The following SRGAP3 variants were observed in gnomAD, a reference collection of about 807,000 sequenced individuals.
The protein encoded by SRGAP3 is SLIT-ROBO Rho GTPase-activating protein 3.
A neutral mutation model predicts 121.1 loss-of-function variants in SRGAP3; 39 were observed. That is an observed-to-expected ratio of 0.32 (90% CI 0.25 to 0.42). The LOEUF (loss-of-function observed/expected upper bound fraction) is 0.42. Among genes scored for constraint, SRGAP3 ranks in the 10% least tolerant of loss-of-function variants. SRGAP3 has a pLI of 1.00. For synonymous variants in SRGAP3, 601 were observed against 570.0 expected (o/e 1.05, Z -0.77); for missense variants, 1,213 against 1,470.6 (o/e 0.82, Z 2.86).
chr3:9,244,829 G>T (rs1953766156), intron 1 of SRGAP3, among the ~76,000 whole-genome samples: 1 of 152,204 alleles, frequency 6.6e-6, no homozygotes, highest in South Asian at 2.1e-4. Context: ...CCAGCATGGG[G>T]TCACCAAGAA....
At chr3:9,143,962 C>A (rs1364408371) in intron 1 of SRGAP3, among the ~76,000 whole-genome samples, 1 of 152,214 alleles carries the variant, frequency 6.6e-6, no homozygotes, top group African/African-American at 2.4e-5. Flanking sequence ...TCCATCTCCA[C>A]TGCCATCATC....
intron 1 of SRGAP3, among the ~76,000 whole-genome samples, chr3:9,231,046 C>A (rs562839840): frequency 1.9e-3 from 288 of 152,200 alleles, no homozygotes; most frequent in Non-Finnish European, 3.5e-3. Flanking sequence ...CTTGGAGGTA[C>A]CACAGCCCCC....
upstream of SRGAP3, chr3:9,249,805 G>A (rs1953958722): frequency 5.0e-6 from 1 of 199,690 alleles, no homozygotes; most frequent in African/African-American, 2.3e-5. Context: ...AAGGCAGCAG[G>A]AAAAGTAATC....
At position 9,038,757 on chromosome 3, in the gene SRGAP3, T is replaced by C. The variant is rs1359237739; in HGVS notation, c.1409-667A>G. Among the ~76,000 whole-genome samples the C allele has an allele frequency of 6.6e-5, 10 of 152,328 alleles. No homozygotes were observed. The South Asian group carries it at 1.2e-3, about 19-fold the overall frequency. The stretch of plus-strand genomic sequence containing the variant: ...AGACAAAGCCCAGACCTTCTCCTTA[T>C]GCCCTGGTTCCATCCCCTCTGTCCT... On this transcript the variant is annotated intron_variant, in intron 10 of 21. Coordinates refer to ENST00000383836, the MANE Select transcript of SRGAP3 (RefSeq NM_014850.4).
At chr3:9,154,980 G>A (rs1464024447) in intron 1 of SRGAP3, among the ~76,000 whole-genome samples, 1 of 146,848 alleles carries the variant, frequency 6.8e-6, no homozygotes, top group Non-Finnish European at 1.5e-5. Flanking sequence ...CTCAGAGGTG[G>A]TTTGTTTTAT....
chr3:9,056,204 TC>T, intron 8 of SRGAP3, 28 bp downstream of exon 8: 1 of 1,611,442 alleles, frequency 6.2e-7, no homozygotes, highest in Non-Finnish European at 8.5e-7. Context: ...CCAAAGAAAA[TC>T]CCTTATAGGG....
chr3:9,339,360 C>G (rs1472302338), intron 1 of SRGAP3, among the ~76,000 whole-genome samples: 1 of 152,190 alleles, frequency 6.6e-6, no homozygotes, highest in Non-Finnish European at 1.5e-5. Flanking sequence ...GAGCTTAAAT[C>G]TTACTGGGTT....
At chr3:9,063,717 G>T (rs1049582213) in intron 5 of SRGAP3, among the ~76,000 whole-genome samples, 3 of 152,144 alleles carry the variant, frequency 2.0e-5, no homozygotes, top group African/African-American at 7.2e-5. Context: ...GATCAGAGTT[G>T]ACATGAGAGA....
chr3:8,993,289 CCTT>C (rs1942182631), intron 19 of SRGAP3, among the ~76,000 whole-genome samples: 1 of 152,248 alleles, frequency 6.6e-6, no homozygotes, highest in Non-Finnish European at 1.5e-5. Context: ...CCTACCTCCT[CCTT>C]TTTTCTCTTC....
chr3:9,270,105 G>C (rs542182818), intron 3 of SRGAP3, among the ~76,000 whole-genome samples: 23 of 152,256 alleles, frequency 1.5e-4, no homozygotes, highest in African/African-American at 5.3e-4. Context: ...CTAGTCTGGA[G>C]ACTAGACTTT....
At chr3:9,316,265 TC>T (rs1055863197) in intron 3 of SRGAP3, among the ~76,000 whole-genome samples, 68 of 151,598 alleles carry the variant, frequency 4.5e-4, no homozygotes, top group African/African-American at 1.6e-3. Flanking sequence ...TCCAGGCTGG[TC>T]TTGAACTGCT....
intron 3 of SRGAP3, among the ~76,000 whole-genome samples, chr3:9,286,672 G>A (rs1005539493): frequency 6.6e-6 from 1 of 151,376 alleles, no homozygotes; most frequent in Non-Finnish European, 1.5e-5. Flanking sequence ...GCGCGATCTC[G>A]GCTCACTACA....
At position 9,248,999 on chromosome 3, in the gene SRGAP3, C is replaced by T. The variant is rs1953923333; in HGVS notation, c.-48G>A. 10 of 1,589,634 alleles carry T rather than the reference C, an allele frequency of 6.3e-6. No individual in the cohort carries two copies. The highest frequency in any genetic ancestry group is 8.6e-6 in the Non-Finnish European group (10 of 1,157,882). On this transcript the variant is annotated 5_prime_UTR_variant, in exon 1 of 22. Transcript: ENST00000383836. ...TGACAGGCTGTTTGATTTATTTCTCCTTTTCTTTTCGAGTCCTCTCTCAAG... is the reference window on the plus strand; with the variant it reads ...TGACAGGCTGTTTGATTTATTTCTCTTTTTCTTTTCGAGTCCTCTCTCAAG...
intron 10 of SRGAP3, among the ~76,000 whole-genome samples, chr3:9,046,388 G>C (rs911190909): frequency 2.6e-5 from 4 of 152,232 alleles, no homozygotes; most frequent in African/African-American, 9.6e-5. Flanking sequence ...CAAAGGCCCT[G>C]GGGCAGGAAT....
chr3:9,082,942 G>A (rs1406777663), intron 3 of SRGAP3, among the ~76,000 whole-genome samples: 5 of 152,160 alleles, frequency 3.3e-5, no homozygotes, highest in Non-Finnish European at 7.4e-5. Context: ...AAACCTCGGA[G>A]GCAATTCCAG....
At chr3:9,088,415 C>T (rs1947590991) in intron 3 of SRGAP3, among the ~76,000 whole-genome samples, 2 of 152,188 alleles carry the variant, frequency 1.3e-5, no homozygotes, top group South Asian at 4.1e-4. Context: ...ATGCAGGGAA[C>T]CCCAGCCCTG....
chr3:9,129,500 T>C (rs1348877403), intron 1 of SRGAP3, among the ~76,000 whole-genome samples: 3 of 148,272 alleles, frequency 2.0e-5, no homozygotes, highest in African/African-American at 7.4e-5. Flanking sequence ...TGAAAACCAC[T>C]GCTTCAGAGC....
chr3:9,212,874 G>A (rs1307823377), intron 1 of SRGAP3, among the ~76,000 whole-genome samples: 1 of 152,238 alleles, frequency 6.6e-6, no homozygotes, highest in African/African-American at 2.4e-5. Flanking sequence ...CTGGAATAAA[G>A]TAGGTGAAGA....
At chr3:9,198,189 C>T (rs1281892676) in intron 1 of SRGAP3, among the ~76,000 whole-genome samples, 1 of 152,220 alleles carries the variant, frequency 6.6e-6, no homozygotes, top group African/African-American at 2.4e-5. Flanking sequence ...GTCATTACAT[C>T]TGATTTATGT....
Sources: gnomAD v4.1 joint callset for allele counts (sites outside exome capture counted in the v4.1 genomes callset) on GRCh38, gnomAD v4.1.1 for gene constraint, MANE v1.5 for transcripts, NCBI Gene and HGNC (gene_info 2026-07-23, HGNC 2026-07-21) for gene names.